The following PLXNC1 variants were observed in gnomAD, a reference collection of about 807,000 sequenced individuals.
The protein encoded by PLXNC1 is plexin-C1.
Under a neutral mutation model 178.2 loss-of-function variants are expected in PLXNC1, and 75 were observed. The observed-to-expected ratio is 0.42, with a 90% CI of 0.35 to 0.51. The LOEUF (loss-of-function observed/expected upper bound fraction) is 0.51, where lower values mean the gene tolerates loss of function less well. Among genes scored for constraint, PLXNC1 ranks in the 20% least tolerant of loss-of-function variants. PLXNC1 has a pLI of 0.02. For synonymous variants in PLXNC1, 790 were observed against 779.9 expected, an observed-to-expected ratio of 1.01 and a Z score of -0.22; for missense variants, 1,503 against 1,984.4, an observed-to-expected ratio of 0.76 and a Z score of 4.61.
At chr12:94,209,521 G>GCATGTATGGGGTCGCTGTTTTAACTAACA in intron 4 of PLXNC1, 69 bp from the exon 5 acceptor site, 1 of 846,134 alleles carries the variant, frequency 1.2e-6, no homozygotes, top group East Asian at 2.4e-5. Context: ...TTTAACTAAT[G>GCATGTATGGGGTCGCTGTTTTAACTAACA]CACGTATGGG....
rs767286245 is a variant in PLXNC1 at position 94,181,466 on chromosome 12, G to A, written c.1224G>A (p.Leu408=). The A allele has an allele frequency of 1.6e-5, 25 of 1,546,714 alleles. No individual in the cohort carries two copies. ...AATAGGTTATTCTTGGTGAGAATTT[G>A]ACTTCAAATTGTCCAGAGGTTATCT... The part of the protein sequence containing the change: ...QLLKVILGEN[L]TSNCPEVIYE... Residue 408 remains leucine, a synonymous_variant, in exon 3 of 31, where the codon TTG becomes TTA. Transcript: ENST00000258526.
chr12:94,300,725 C>T (rs1161081831), intron 27 of PLXNC1, among the ~76,000 whole-genome samples, 185 bp from the exon 28 acceptor site: 1 of 152,204 alleles, frequency 6.6e-6, no homozygotes, highest in African/African-American at 2.4e-5. Flanking sequence ...TACAGTAGCT[C>T]TGCCAGTTAA....
At chr12:94,222,032 G>A (rs927122606) in intron 6 of PLXNC1, among the ~76,000 whole-genome samples, 1 of 152,210 alleles carries the variant, frequency 6.6e-6, no homozygotes, top group Admixed American at 6.5e-5. Flanking sequence ...GCTTAAAAAT[G>A]CTCTCAGCCA....
chr12:94,220,582 A>G (rs898142443), intron 6 of PLXNC1, among the ~76,000 whole-genome samples: 4 of 152,200 alleles, frequency 2.6e-5, no homozygotes, highest in Admixed American at 2.6e-4. Flanking sequence ...AACATCTACT[A>G]TATGTGAGGC....
chr12:94,242,896 A>AG (rs1964428604), intron 11 of PLXNC1, among the ~76,000 whole-genome samples: 1 of 152,176 alleles, frequency 6.6e-6, no homozygotes, highest in Non-Finnish European at 1.5e-5. Context: ...AGCTGGTACT[A>AG]GGAGGTTGGG....
rs74874815 is a variant in PLXNC1 at position 94,154,534 on chromosome 12, G to A, written c.1062+4501G>A. ...CTTATAAATAAAGAAACCAAAGCAC[G>A]AAGGGTTAAATAATTACTACATGCA... On this transcript the variant is annotated intron_variant, in intron 1 of 30. Transcript: ENST00000258526. Among the ~76,000 whole-genome samples, 1,360 of 152,276 alleles carry A rather than the reference G, an allele frequency of 8.9e-3. 11 individuals are homozygous for A. The highest frequency in any genetic ancestry group is 0.018 in the South Asian group (87 of 4,824).
chr12:94,221,062 G>A (rs1283954145), intron 6 of PLXNC1, among the ~76,000 whole-genome samples: 1 of 152,204 alleles, frequency 6.6e-6, no homozygotes, highest in African/African-American at 2.4e-5. Flanking sequence ...ACACTGAAAG[G>A]TTTAAGCCGG....
At chr12:94,168,396 T>C (rs1416163282) in intron 1 of PLXNC1, 2 of 152,404 alleles carry the variant, frequency 1.3e-5, no homozygotes, top group East Asian at 3.9e-4. Flanking sequence ...ACACTCTCTC[T>C]GCTCTGGGTT....
chr12:94,255,176 G>A lies in PLXNC1; in HGVS notation c.2984-17G>A. On this transcript the variant is annotated splice_polypyrimidine_tract_variant and intron_variant, in intron 16 of 30. Transcript: ENST00000258526. ...TTTGTTGAGTTAAAATATTGCTCTT[G>A]GGATTCTGTTTTGCAGGCTTTGCTG... The A allele has an allele frequency of 6.3e-7, 1 of 1,585,650 alleles. No individual in the cohort carries two copies. The highest frequency in any genetic ancestry group is 8.7e-7 in the Non-Finnish European group (1 of 1,154,040).
At chr12:94,283,430 C>CTGT (rs1275044769) in intron 23 of PLXNC1, among the ~76,000 whole-genome samples, 1 of 152,196 alleles carries the variant, frequency 6.6e-6, no homozygotes, top group Non-Finnish European at 1.5e-5. Flanking sequence ...TACACCACAC[C>CTGT]AGGTACTATT....
intron 2 of PLXNC1, among the ~76,000 whole-genome samples, chr12:94,177,234 T>TATATATATATGTGTGTGTATATATATAC (rs1565794641): frequency 9.6e-5 from 9 of 94,208 alleles, no homozygotes; most frequent in African/African-American, 3.8e-4. Context: ...TATATACATA[T>TATATATATATGTGTGTGTATATATATAC]ATATATATAT....
At chr12:94,262,900 TC>T (rs774393652) in intron 20 of PLXNC1, 1 of 441,696 alleles carries the variant, frequency 2.3e-6, no homozygotes, top group Non-Finnish European at 3.0e-6. Flanking sequence ...GAGCTAAGTG[TC>T]TTCATGACCA....
At chr12:94,262,035 C>T (rs1033744542) in intron 20 of PLXNC1, among the ~76,000 whole-genome samples, 5 of 151,966 alleles carry the variant, frequency 3.3e-5, no homozygotes, top group African/African-American at 1.2e-4. Flanking sequence ...TTTTGTTTCC[C>T]ACTGTCTTTG....
At chr12:94,256,228 C>G (rs938795991) in intron 17 of PLXNC1, 5 of 152,212 alleles carry the variant, frequency 3.3e-5, no homozygotes, top group Admixed American at 1.3e-4. Context: ...TTACCAGAAG[C>G]TTCTCCGGAA....
chr12:94,207,733 C>T (rs1332479259), intron 4 of PLXNC1, among the ~76,000 whole-genome samples: 1 of 152,184 alleles, frequency 6.6e-6, no homozygotes, highest in Non-Finnish European at 1.5e-5. Context: ...ACAAGAAATG[C>T]TATAGGAGTT....
intron 2 of PLXNC1, among the ~76,000 whole-genome samples, chr12:94,171,574 G>T (rs1961846264): frequency 1.3e-5 from 2 of 152,148 alleles, no homozygotes; most frequent in Non-Finnish European, 2.9e-5. Flanking sequence ...TGACTTCAGA[G>T]ACTGCACTAA....
chr12:94,201,748 C>CTTTTTTTT (rs10529488), intron 4 of PLXNC1, among the ~76,000 whole-genome samples: 1 of 54,498 alleles, frequency 1.8e-5, no homozygotes, highest in African/African-American at 7.3e-5. Flanking sequence ...CTTCCCACTA[C>CTTTTTTTT]TTTTTTTTTT....
Position 94,217,846 on chromosome 12 carries a change from T to C in PLXNC1, c.1555-2170T>C, listed in dbSNP as rs988568719. 5.3e-5 allele frequency among the ~76,000 whole-genome samples: 8 copies of C among 152,356 alleles called. No homozygotes were observed. In the South Asian group the frequency reaches 6.2e-4, roughly 12 times the overall value. ...ATAAGCTCTTTGAGGGCAAGGACCA[T>C]AGCTGTTTGGTTCACTGGTATATTC... On this transcript the variant is annotated intron_variant, in intron 5 of 30. Coordinates refer to ENST00000258526, the MANE Select transcript of PLXNC1 (RefSeq NM_005761.3).
chr12:94,165,915 C>T (rs1961590689), intron 1 of PLXNC1, among the ~76,000 whole-genome samples: 1 of 152,008 alleles, frequency 6.6e-6, no homozygotes, highest in South Asian at 2.1e-4. Context: ...ACGGGTTCTC[C>T]TCAAGAGGCT....
Sources: allele counts gnomAD v4.1 joint callset (sites outside exome capture counted in the v4.1 genomes callset), GRCh38; gene constraint gnomAD v4.1.1; transcripts MANE v1.5; gene names NCBI Gene and HGNC (gene_info 2026-07-23, HGNC 2026-07-21).